The following LRP1B variants were observed in gnomAD, a reference collection of about 807,000 sequenced individuals.
LRP1B encodes LDL receptor related protein 1B, also known as low-density lipoprotein receptor-related protein 1B.
In LRP1B, 217 loss-of-function variants were observed where a neutral mutation model predicts 556.6. The ratio of observed to expected loss-of-function variants is 0.39; its 90% CI spans 0.35 to 0.44. The LOEUF is 0.44. LRP1B is among the 20% of genes least tolerant of loss of function. LRP1B has a pLI of 1.00. For missense variants in LRP1B, 5,053 were observed against 5,620.8 expected, an observed-to-expected ratio of 0.90 and a Z score of 3.23; for synonymous variants, 2,047 against 1,865.8, an observed-to-expected ratio of 1.10 and a Z score of -2.50.
intron 86 of LRP1B, among the ~76,000 whole-genome samples, chr2:140,250,640 T>G (rs1332703079): frequency 6.6e-6 from 1 of 151,700 alleles, no homozygotes; most frequent in Non-Finnish European, 1.5e-5. Context: ...TGGTATTCCC[T>G]TTATGTTCCA....
intron 2 of LRP1B, chr2:141,805,415 C>T (rs1696139209): frequency 1.3e-5 from 2 of 152,102 alleles, no homozygotes; most frequent in South Asian, 4.1e-4. Flanking sequence ...AAATGCAATC[C>T]TAACCAATAA....
intron 86 of LRP1B, among the ~76,000 whole-genome samples, chr2:140,249,630 TATAAA>T (rs1011113462): frequency 2.8e-4 from 42 of 151,956 alleles, no homozygotes; most frequent in African/African-American, 8.4e-4. Flanking sequence ...TTATACTCCT[TATAAA>T]ATAATGTTTT....
intron 7 of LRP1B, among the ~76,000 whole-genome samples, chr2:141,181,845 A>C (rs1681012429): frequency 6.7e-6 from 1 of 150,362 alleles, no homozygotes; most frequent in African/African-American, 2.5e-5. Flanking sequence ...TTTGGAAAGA[A>C]GTTGAACCTT....
At chr2:142,125,770 A>G (rs559372183) in intron 1 of LRP1B, among the ~76,000 whole-genome samples, 1 of 151,908 alleles carries the variant, frequency 6.6e-6, no homozygotes, top group African/African-American at 2.4e-5. Flanking sequence ...ACTCCACAGA[A>G]GAAAATAAAA....
chr2:141,477,287 G>A lies in LRP1B; in HGVS notation c.343+3109C>T, dbSNP rs189816082. ...AATGTAAAAATAACCGAGTTAGACA[G>A]AATTGTTCTGGAAAAAAAAAAAAAA... On this transcript the variant is annotated intron_variant, in intron 3 of 90. Coordinates refer to ENST00000389484, the MANE Select transcript of LRP1B (RefSeq NM_018557.3). Among the ~76,000 whole-genome samples, 8 of 118,006 alleles carry A rather than the reference G, an allele frequency of 6.8e-5. No individual in the cohort carries two copies. In the Admixed American group the frequency reaches 7.5e-4, roughly 11 times the overall value. The allele number at this position is 118,006 out of a possible 152,430, so 77.4% of individuals were successfully genotyped here.
At chr2:141,179,687 C>T (rs1320979434) in intron 7 of LRP1B, among the ~76,000 whole-genome samples, 3 of 151,904 alleles carry the variant, frequency 2.0e-5, no homozygotes, top group East Asian at 1.9e-4. Flanking sequence ...ACCAACACCA[C>T]GACCACCATT....
chr2:140,492,725 T>TTAAG (rs1688755040), intron 56 of LRP1B, 32 bp from the exon 57 acceptor site: 2 of 1,420,332 alleles, frequency 1.4e-6, no homozygotes, highest in Non-Finnish European at 2.0e-6. Context: ...ATATTAGACT[T>TTAAG]TAAGTATGTA....
chr2:140,517,680 G>T (rs1689970104), intron 49 of LRP1B, among the ~76,000 whole-genome samples: 1 of 147,352 alleles, frequency 6.8e-6, no homozygotes, highest in East Asian at 2.0e-4. Flanking sequence ...ACCTTCAAGA[G>T]TACATATAGA....
At chr2:140,255,153 A>AGT (rs1681620951) in intron 86 of LRP1B, among the ~76,000 whole-genome samples, 1 of 152,170 alleles carries the variant, frequency 6.6e-6, no homozygotes, top group Non-Finnish European at 1.5e-5. Flanking sequence ...CTCTTACCAG[A>AGT]TTTGTTTAAC....
chr2:141,808,981 C>G (rs1282872649), intron 2 of LRP1B, among the ~76,000 whole-genome samples: 1 of 152,032 alleles, frequency 6.6e-6, no homozygotes, highest in Non-Finnish European at 1.5e-5. Context: ...CACAATTTAT[C>G]CATTAGAATT....
chr2:141,722,731 T>TACAC (rs1432524311), intron 2 of LRP1B, among the ~76,000 whole-genome samples: 1 of 80,402 alleles, frequency 1.2e-5, no homozygotes, highest in Non-Finnish European at 2.9e-5. Context: ...GATAGATACA[T>TACAC]AGATAGATAG....
intron 2 of LRP1B, among the ~76,000 whole-genome samples, chr2:141,692,754 G>A (rs1239211789): frequency 6.6e-6 from 1 of 151,914 alleles, no homozygotes; most frequent in Admixed American, 6.6e-5. Context: ...TAGGCTATAT[G>A]GTGCAGCCTG....
rs186367848 is a variant in LRP1B at position 141,734,679 on chromosome 2, C to T, written c.205+75600G>A. Among the ~76,000 whole-genome samples, 206 of 152,226 alleles carry T rather than the reference C, an allele frequency of 1.4e-3. 2 individuals are homozygous for T. The highest frequency in any genetic ancestry group is 4.7e-3 in the African/African-American group (197 of 41,556). On this transcript the variant is annotated intron_variant, in intron 2 of 90. Transcript: ENST00000389484. The stretch of plus-strand genomic sequence containing the variant: ...TTTTTAAAATAATTTTTAAGGGCCT[C>T]TCTGCCTGTCTCCTTGGCATTATGA...
In LRP1B at chr2:140,792,221, G is replaced by A. The variant is rs142512712; in HGVS notation, c.5360-15983C>T. The stretch of plus-strand genomic sequence containing the variant: ...TCTTTGATATTTCCTTCTTTTCTGT[G>A]AATTCTATACACATAAAATATTAAT... On this transcript the variant is annotated intron_variant, in intron 32 of 90. Transcript: ENST00000389484. 4.7e-3 allele frequency among the ~76,000 whole-genome samples: 719 copies of A among 151,956 alleles called. 2 individuals carry two copies. Among genetic ancestry groups the A allele is most frequent in the African/African-American group, 0.017 (700 of 41,448 alleles).
intron 86 of LRP1B, among the ~76,000 whole-genome samples, chr2:140,267,782 C>A (rs1682276691): frequency 6.6e-6 from 1 of 151,854 alleles, no homozygotes. Context: ...TTCTAAAGAG[C>A]CACATACAAA....
rs1372895769 is a variant in LRP1B, at chr2:141,554,394, A to G, written c.206-73861T>C. ...TATATATCTATAGGAATAGATATAC[A>G]TTATATATCTATAGGAATAGATATA... On this transcript the variant is annotated intron_variant, in intron 2 of 90. Coordinates refer to ENST00000389484, the MANE Select transcript of LRP1B (RefSeq NM_018557.3). 6.7e-5 allele frequency among the ~76,000 whole-genome samples: 10 copies of G among 150,168 alleles called. No homozygotes were observed. The South Asian group carries it at 1.3e-3, about 19-fold the overall frequency.
intron 76 of LRP1B, among the ~76,000 whole-genome samples, chr2:140,352,596 T>A (rs924343901): frequency 1.3e-5 from 2 of 152,154 alleles, no homozygotes; most frequent in East Asian, 3.9e-4. Flanking sequence ...ATAATGCTAA[T>A]GTTTATTTTT....
At position 140,525,400 on chromosome 2, in the gene LRP1B, TTATAAC is replaced by T. The variant is rs552415295; in HGVS notation, c.8026+438_8026+443del. Among the ~76,000 whole-genome samples the T allele has an allele frequency of 1.8e-3, 274 of 152,030 alleles. 3 individuals are homozygous for T. The highest frequency in any genetic ancestry group is 3.9e-3 in the Admixed American group (59 of 15,226). ...CTGTCTTAACTTGATTCAATAATGATTATAACTATTACTCAAATTACTACACCAAAG... is the reference window on the plus strand; with the variant it reads ...CTGTCTTAACTTGATTCAATAATGATTATTACTCAAATTACTACACCAAAG... On this transcript the variant is annotated intron_variant, in intron 49 of 90. Transcript: ENST00000389484.
At chr2:141,708,715 G>A (rs1031557489) in intron 2 of LRP1B, among the ~76,000 whole-genome samples, 1 of 151,946 alleles carries the variant, frequency 6.6e-6, no homozygotes, top group Admixed American at 6.6e-5. Flanking sequence ...GTTGGACATA[G>A]GGTCTTTAAA....
Sources: allele counts gnomAD v4.1 joint callset (sites outside exome capture counted in the v4.1 genomes callset), GRCh38; gene constraint gnomAD v4.1.1; transcripts MANE v1.5; gene names NCBI Gene and HGNC (gene_info 2026-07-23, HGNC 2026-07-21).